The following ALG14 variants were observed in gnomAD, a reference collection of about 807,000 sequenced individuals.
ALG14 encodes the protein UDP-N-acetylglucosamine transferase subunit ALG14.
Under a neutral mutation model 22.8 loss-of-function variants are expected in ALG14, and 17 were observed. The ratio of observed to expected loss-of-function variants is 0.75; its 90% CI spans 0.51 to 1.12. The LOEUF is 1.12. ALG14 is among the 50% of genes most tolerant of loss of function. ALG14 has a pLI of 0.00. For synonymous variants in ALG14, 89 were observed against 103.7 expected (o/e 0.86, Z 0.86); for missense variants, 288 against 271.8 (o/e 1.06, Z -0.42).
chr1:95,023,270 C>G (rs1673717424), intron 3 of ALG14, among the ~76,000 whole-genome samples: 1 of 152,094 alleles, frequency 6.6e-6, no homozygotes, highest in Non-Finnish European at 1.5e-5. Flanking sequence ...ATTACAGGCA[C>G]CCACCATCAT....
chr1:95,071,590 A>G (rs1675568464), intron 1 of ALG14, among the ~76,000 whole-genome samples: 2 of 152,198 alleles, frequency 1.3e-5, no homozygotes, highest in African/African-American at 4.8e-5. Flanking sequence ...ATCTGGACTC[A>G]GTTTACCTCC....
At chr1:95,056,684 A>G (rs368327947) in intron 2 of ALG14, among the ~76,000 whole-genome samples, 149 of 152,184 alleles carry the variant, frequency 9.8e-4, no homozygotes, top group African/African-American at 3.3e-3. Flanking sequence ...AGAAAATAAC[A>G]CTTGAGTATA....
In ALG14 at chr1:94,977,036, C is replaced by T. The variant is rs1345402952; in HGVS notation, c.*6040G>A. ...CAGATCAGAACTCAGCCTTGGCCATCATCTTGATTTCAGCCTTTTGAGATC... is the reference window on the plus strand; with the variant it reads ...CAGATCAGAACTCAGCCTTGGCCATTATCTTGATTTCAGCCTTTTGAGATC... On this transcript the variant is annotated 3_prime_UTR_variant, in exon 4 of 4. Coordinates refer to ENST00000370205, the MANE Select transcript of ALG14 (RefSeq NM_144988.4). 1.3e-5 allele frequency: 2 copies of T among 152,208 alleles called. No individual in the cohort carries two copies. The highest frequency in any genetic ancestry group is 2.4e-5 in the African/African-American group (1 of 41,442). 9.4% of individuals were successfully genotyped at this position (152,208 alleles called of 1,614,324 possible).
At chr1:95,016,132 C>T (rs1673488866) in intron 3 of ALG14, among the ~76,000 whole-genome samples, 1 of 152,088 alleles carries the variant, frequency 6.6e-6, no homozygotes, top group Non-Finnish European at 1.5e-5. Flanking sequence ...GATTTTAAAC[C>T]CTGGTATGCA....
intron 2 of ALG14, among the ~76,000 whole-genome samples, chr1:95,045,252 T>G (rs1018630625): frequency 6.6e-6 from 1 of 152,210 alleles, no homozygotes; most frequent in African/African-American, 2.4e-5. Flanking sequence ...CTTTATTTCT[T>G]CTTTTTCAAT....
intron 2 of ALG14, among the ~76,000 whole-genome samples, chr1:95,031,601 C>A (rs146593416): frequency 1.5e-4 from 23 of 152,172 alleles, no homozygotes; most frequent in African/African-American, 5.1e-4. Flanking sequence ...GTAGCATATC[C>A]GTTCTCCTCA....
In ALG14 at chr1:95,036,419, CTTTTTTTTTTTT is replaced by C. The variant is rs35068075; in HGVS notation, c.289-9171_289-9160del. On this transcript the variant is annotated intron_variant, in intron 2 of 3. Transcript: ENST00000370205. Reference sequence around the variant, plus strand: ...GTGGAACTGTGAGTCAATTAAACCTCTTTTTTTTTTTTTTTTTTTTTTTTTGAGATGGAGTCT... The same window carrying C: ...GTGGAACTGTGAGTCAATTAAACCTCTTTTTTTTTTTTTGAGATGGAGTCT... Among the ~76,000 whole-genome samples, 81 of 71,904 alleles carry C rather than the reference CTTTTTTTTTTTT, an allele frequency of 1.1e-3. 1 individual carries two copies. The highest frequency in any genetic ancestry group is 5.0e-3 in the African/African-American group (73 of 14,582). 47.2% of individuals were successfully genotyped at this position (71,904 alleles called of 152,430 possible). A position where few individuals can be genotyped will look rare whatever the true frequency, so the allele number is the denominator to read the frequency against.
chr1:95,064,928 T>C lies in ALG14; in HGVS notation c.226A>G (p.Met76Val). The C allele has an allele frequency of 6.2e-7, 1 of 1,614,092 alleles. No homozygotes were observed. The highest frequency in any genetic ancestry group is 8.5e-7 in the Non-Finnish European group (1 of 1,179,952). ...AAAGAATTTATTTTATTGGCACTCATTTCATCAGTGTCAGCAATGACATAA... is the reference window on the plus strand; with the variant it reads ...AAAGAATTTATTTTATTGGCACTCACTTCATCAGTGTCAGCAATGACATAA... ...RHYVIADTDE[M>V]SANKINSFEL... The change falls in exon 2 of 4, where the codon ATG becomes GTG. Residue 76 changes from methionine (M) to valine (V), a missense_variant. Physicochemically the swap from Met to Val is conservative, Grantham distance 21 (BLOSUM62 1). Coordinates refer to ENST00000370205, the MANE Select transcript of ALG14 (RefSeq NM_144988.4).
At chr1:94,986,154 T>C (rs1314999925) in intron 3 of ALG14, among the ~76,000 whole-genome samples, 1 of 152,204 alleles carries the variant, frequency 6.6e-6, no homozygotes, top group Non-Finnish European at 1.5e-5. Flanking sequence ...AACACAGAAA[T>C]ACTCTTCATA....
intron 3 of ALG14, among the ~76,000 whole-genome samples, chr1:95,006,377 GAAAAGGCATGATAT>G (rs141776852): frequency 0.016 from 2,393 of 152,162 alleles, 77 homozygotes; most frequent in African/African-American, 0.055. Flanking sequence ...TTTAGGATAG[GAAAAGGCATGATAT>G]AAAAAGGATT....
At chr1:95,034,123 G>C (rs1674109084) in intron 2 of ALG14, among the ~76,000 whole-genome samples, 1 of 152,176 alleles carries the variant, frequency 6.6e-6, no homozygotes, top group African/African-American at 2.4e-5. Flanking sequence ...TAACAAGTTT[G>C]ATTTGCTCCC....
intron 2 of ALG14, chr1:95,041,622 AAAAAAAAAAGAAAGAAAG>A (rs762549125): frequency 3.3e-5 from 5 of 152,010 alleles, no homozygotes; most frequent in Admixed American, 2.0e-4. Context: ...TCTTTAAAAA[AAAAAAAAAAGAAAGAAAG>A]AAAAAAAAAG....
chr1:95,053,563 T>C lies in ALG14; in HGVS notation c.288+11303A>G, dbSNP rs941940071. ...TGTTTTTTGGGATTTTTGTTTTTTT[T>C]GTTTGTTTGTTTTTAGAGATGGAGT... On this transcript the variant is annotated intron_variant, in intron 2 of 3. Transcript: ENST00000370205. Among the ~76,000 whole-genome samples, 3 of 152,174 alleles carry C rather than the reference T, an allele frequency of 2.0e-5. No homozygotes were observed. In the East Asian group the frequency reaches 5.8e-4, roughly 29 times the overall value.
In ALG14 at chr1:95,002,133, A is replaced by C. The variant is rs1463077145; in HGVS notation, c.421-18827T>G. 2.0e-5 allele frequency among the ~76,000 whole-genome samples: 3 copies of C among 152,312 alleles called. No homozygotes were observed. In the East Asian group the frequency reaches 5.8e-4, roughly 29 times the overall value. On this transcript the variant is annotated intron_variant, in intron 3 of 3. Coordinates refer to ENST00000370205, the MANE Select transcript of ALG14 (RefSeq NM_144988.4). ...CCTTAAAGACAGAGGTATGCCTAAG[A>C]ATGTTGCTGATAATCTATTTTTCTA...
intron 3 of ALG14, among the ~76,000 whole-genome samples, chr1:95,025,156 C>T (rs1673774992): frequency 6.6e-6 from 1 of 152,140 alleles, no homozygotes; most frequent in African/African-American, 2.4e-5. Flanking sequence ...CCTTGTATAT[C>T]TCCATCAGAG....
intron 3 of ALG14, among the ~76,000 whole-genome samples, chr1:95,011,306 AG>A (rs1482696441): frequency 6.6e-6 from 1 of 152,188 alleles, no homozygotes; most frequent in Non-Finnish European, 1.5e-5. Flanking sequence ...ACCATTTAAG[AG>A]TACAGTGAGA....
In ALG14 at chr1:94,982,052, A is replaced by C. The variant is rs975011084; in HGVS notation, c.*1024T>G. ...TTGAATTCTGGCTTTGCTACTTACT[A>C]CTCATGTGATCTTGGACAAGTCATC... On this transcript the variant is annotated 3_prime_UTR_variant, in exon 4 of 4. Coordinates refer to ENST00000370205, the MANE Select transcript of ALG14 (RefSeq NM_144988.4). 10 of 150,388 alleles carry C rather than the reference A, an allele frequency of 6.6e-5. No homozygotes were observed. Among genetic ancestry groups the C allele is most frequent in the Admixed American group, 6.6e-4 (10 of 15,132 alleles). The allele number at this position is 150,388 out of a possible 1,614,324, so 9.3% of individuals were successfully genotyped here.
intron 2 of ALG14, among the ~76,000 whole-genome samples, chr1:95,031,384 G>A (rs562003166): frequency 2.0e-5 from 3 of 152,266 alleles, no homozygotes; most frequent in South Asian, 2.1e-4. Flanking sequence ...AGCCCTAACC[G>A]TGACATTAAC....
chr1:95,017,071 G>A (rs1673524113), intron 3 of ALG14, among the ~76,000 whole-genome samples: 1 of 151,966 alleles, frequency 6.6e-6, no homozygotes, highest in African/African-American at 2.4e-5. Flanking sequence ...CAAGATGTGT[G>A]TGTCTGCTAT....
Sources: gnomAD v4.1 joint callset for allele counts (sites outside exome capture counted in the v4.1 genomes callset) on GRCh38, gnomAD v4.1.1 for gene constraint, MANE v1.5 for transcripts, NCBI Gene and HGNC (gene_info 2026-07-23, HGNC 2026-07-21) for gene names.